Variants in FANK1 observed in about 807,000 individuals in gnomAD.
The protein encoded by FANK1 is fibronectin type 3 and ankyrin repeat domains protein 1.
Under a neutral mutation model 45.3 loss-of-function variants are expected in FANK1, and 44 were observed. The ratio of observed to expected loss-of-function variants is 0.97; its 90% confidence interval spans 0.76 to 1.25. The LOEUF (loss-of-function observed/expected upper bound fraction) is 1.25, where lower values mean the gene tolerates loss of function less well. Among genes scored for constraint, FANK1 ranks in the 50% most tolerant of loss-of-function variants. FANK1 has a pLI of 0.00. For synonymous variants in FANK1, 149 were observed against 152.5 expected, an observed-to-expected ratio of 0.98 and a Z score of 0.17; for missense variants, 391 against 424.4, an observed-to-expected ratio of 0.92 and a Z score of 0.69.
chr10:125,927,008 T>C (rs1418484694), intron 1 of FANK1, among the ~76,000 whole-genome samples: 1 of 152,218 alleles, frequency 6.6e-6, no homozygotes, highest in African/African-American at 2.4e-5. Context: ...TGTTTCCTTC[T>C]AGTTGCTGCT....
chr10:125,918,974 A>G (rs1050272004), intron 1 of FANK1, among the ~76,000 whole-genome samples: 40 of 152,032 alleles, frequency 2.6e-4, no homozygotes, highest in Middle Eastern at 3.2e-3. Flanking sequence ...ATTGAAAGGT[A>G]AATCACTAGG....
chr10:125,913,010 T>C (rs1222100778), intron 1 of FANK1, among the ~76,000 whole-genome samples: 1 of 152,244 alleles, frequency 6.6e-6, no homozygotes, highest in African/African-American at 2.4e-5. Context: ...AACCACAAAA[T>C]TATGTATCAT....
At chr10:125,929,208 G>T (rs1051167640) in intron 1 of FANK1, among the ~76,000 whole-genome samples, 1 of 152,206 alleles carries the variant, frequency 6.6e-6, no homozygotes, top group African/African-American at 2.4e-5. Flanking sequence ...CTGGATGGTA[G>T]TGGCGACAAG....
At chr10:125,941,496 A>G (rs1948450530) in intron 1 of FANK1, among the ~76,000 whole-genome samples, 2 of 152,358 alleles carry the variant, frequency 1.3e-5, no homozygotes, top group South Asian at 4.1e-4. Context: ...ATTTGACATT[A>G]TCACATAAGT....
chr10:125,920,276 A>G (rs3941715), intron 1 of FANK1, among the ~76,000 whole-genome samples: 11 of 152,194 alleles, frequency 7.2e-5, no homozygotes, highest in Admixed American at 5.9e-4. Context: ...ATATAGACCA[A>G]ACCTTGACAT....
intron 1 of FANK1, among the ~76,000 whole-genome samples, chr10:125,945,809 A>G (rs1017548378): frequency 6.6e-6 from 1 of 152,156 alleles, no homozygotes; most frequent in African/African-American, 2.4e-5. Context: ...GGCACAGACA[A>G]ACAAAAAGAC....
At chr10:125,908,665 A>G (rs914301997) in intron 1 of FANK1, among the ~76,000 whole-genome samples, 1 of 152,138 alleles carries the variant, frequency 6.6e-6, no homozygotes, top group Non-Finnish European at 1.5e-5. Flanking sequence ...TGCTCGAGTG[A>G]TGGGTGCACT....
chr10:125,951,299 C>A (rs1025634490), intron 1 of FANK1, among the ~76,000 whole-genome samples: 18 of 150,974 alleles, frequency 1.2e-4, no homozygotes, highest in Non-Finnish European at 1.5e-4. Context: ...TGGCCAAGAT[C>A]TTATAACTAT....
At chr10:125,902,595 G>C (rs1485647333) in intron 1 of FANK1, among the ~76,000 whole-genome samples, 1 of 152,250 alleles carries the variant, frequency 6.6e-6, no homozygotes, top group Non-Finnish European at 1.5e-5. Context: ...ATAAATGTTA[G>C]GTCGATTACA....
chr10:125,939,663 C>T (rs1410707827), intron 1 of FANK1, among the ~76,000 whole-genome samples: 1 of 152,070 alleles, frequency 6.6e-6, no homozygotes, highest in Admixed American at 6.5e-5. Flanking sequence ...ATTTTGTCAT[C>T]TATGGTTCCC....
chr10:125,984,182 A>T (rs925905108), intron 2 of FANK1, among the ~76,000 whole-genome samples: 20 of 152,154 alleles, frequency 1.3e-4, no homozygotes, highest in African/African-American at 4.8e-4. Flanking sequence ...CCTACACACC[A>T]TGCCCACCGT....
At chr10:125,901,940 C>T (rs200551471) in intron 1 of FANK1, among the ~76,000 whole-genome samples, 3 of 152,122 alleles carry the variant, frequency 2.0e-5, no homozygotes, top group Non-Finnish European at 4.4e-5. Flanking sequence ...GGCCAACTGG[C>T]GAAACCCCGT....
intron 1 of FANK1, among the ~76,000 whole-genome samples, chr10:125,931,563 TG>T (rs1181408245): frequency 6.6e-6 from 1 of 152,220 alleles, no homozygotes; most frequent in Non-Finnish European, 1.5e-5. Flanking sequence ...TTGATGGGAT[TG>T]TTTTTTTCTT....
At chr10:125,959,354 C>T (rs535475070) in intron 1 of FANK1, among the ~76,000 whole-genome samples, 1 of 125,100 alleles carries the variant, frequency 8.0e-6, no homozygotes, top group Non-Finnish European at 1.6e-5. Flanking sequence ...GCTGAGGTTA[C>T]AAGGAACTGA....
chr10:125,926,030 G>A (rs1947320917), intron 1 of FANK1, among the ~76,000 whole-genome samples: 1 of 151,390 alleles, frequency 6.6e-6, no homozygotes, highest in Non-Finnish European at 1.5e-5. Context: ...TATTCTTTTA[G>A]TAACTGTCAT....
At chr10:125,915,030 C>T (rs954996097) in intron 1 of FANK1, among the ~76,000 whole-genome samples, 1 of 152,056 alleles carries the variant, frequency 6.6e-6, no homozygotes, top group Non-Finnish European at 1.5e-5. Context: ...TGAGGCTGGT[C>T]AGTGATGTGT....
intron 1 of FANK1, among the ~76,000 whole-genome samples, chr10:125,937,912 ATGT>A (rs1554922531): frequency 2.6e-5 from 4 of 152,206 alleles, no homozygotes; most frequent in Middle Eastern, 3.2e-3. Context: ...AACCACGCTA[ATGT>A]TGTACCGATT....
At chr10:125,907,473 G>C (rs1945620329) in intron 1 of FANK1, 3 of 985,320 alleles carry the variant, frequency 3.0e-6, no homozygotes, top group African/African-American at 3.5e-5. Flanking sequence ...TGGGATCACT[G>C]CTCAGCCTTT....
In FANK1 at chr10:125,995,290, T is replaced by C. The variant is rs1169669227; in HGVS notation, c.317-127T>C. The C allele has an allele frequency of 3.8e-6, 3 of 780,476 alleles. No individual in the cohort carries two copies. In the African/African-American group the frequency reaches 5.2e-5, roughly 14 times the overall value. 48.3% of individuals were successfully genotyped at this position (780,476 alleles called of 1,614,324 possible). On this transcript the variant is annotated intron_variant, in intron 3 of 10. Coordinates refer to ENST00000368693, the MANE Select transcript of FANK1 (RefSeq NM_145235.5). Reference sequence around the variant, plus strand: ...AAGCAGGTGAGTAGGAAATGTAAGATATACTTAACAGGAATAGCCAAGCGC... The same window carrying C: ...AAGCAGGTGAGTAGGAAATGTAAGACATACTTAACAGGAATAGCCAAGCGC...
Sources: gnomAD v4.1 joint callset for allele counts (sites outside exome capture counted in the v4.1 genomes callset) on GRCh38, gnomAD v4.1.1 for gene constraint, MANE v1.5 for transcripts, NCBI Gene and HGNC (gene_info 2026-07-23, HGNC 2026-07-21) for gene names.